Variants in SLC45A1 observed in about 807,000 individuals in gnomAD.
SLC45A1 encodes solute carrier family 45 member 1.
In SLC45A1, 28 loss-of-function variants were observed where a neutral mutation model predicts 57.6. That is an observed-to-expected ratio of 0.49 (90% CI 0.36 to 0.67). The LOEUF (loss-of-function observed/expected upper bound fraction) is 0.67. SLC45A1 is among the 30% of genes least tolerant of loss of function. The pLI is 0.00. For synonymous variants in SLC45A1, 459 were observed against 471.5 expected, an observed-to-expected ratio of 0.97 and a Z score of 0.34; for missense variants, 814 against 1,041.5, an observed-to-expected ratio of 0.78 and a Z score of 3.01.
At position 8,333,311 on chromosome 1, in the gene SLC45A1, A is replaced by T. The variant is rs560665930; in HGVS notation, c.1444-2126A>T. Among the ~76,000 whole-genome samples, 241 of 143,192 alleles carry T rather than the reference A, an allele frequency of 1.7e-3. 1 individual carries two copies. Among genetic ancestry groups the T allele is most frequent in the African/African-American group, 5.9e-3 (226 of 38,336 alleles). 93.9% of individuals were successfully genotyped at this position (143,192 alleles called of 152,430 possible). On this transcript the variant is annotated intron_variant, in intron 5 of 8. Transcript: ENST00000471889. ...TGTTTTGTTTTTTACTTACTTTTTT[A>T]AAAAATGTAGAGACAGGCTTTTACC...
At chr1:8,333,304 C>T (rs1640477457) in intron 5 of SLC45A1, among the ~76,000 whole-genome samples, 1 of 145,584 alleles carries the variant, frequency 6.9e-6, no homozygotes. Flanking sequence ...TTTTTACTTA[C>T]TTTTTTAAAA....
intron 4 of SLC45A1, among the ~76,000 whole-genome samples, chr1:8,329,372 G>A (rs544944840): frequency 6.6e-6 from 1 of 152,328 alleles, no homozygotes; most frequent in Non-Finnish European, 1.5e-5. Flanking sequence ...AAATGTAGCT[G>A]AACTCACAAT....
At chr1:8,320,633 C>CTCTG (rs59588975) in intron 1 of SLC45A1, among the ~76,000 whole-genome samples, 112 of 151,556 alleles carry the variant, frequency 7.4e-4, no homozygotes, top group East Asian at 1.2e-3. Flanking sequence ...TAGAGGGAGA[C>CTCTG]TCTGTCTGTC....
chr1:8,330,452 A>G lies in SLC45A1; in HGVS notation c.959A>G (p.Glu320Gly). 6.2e-7 allele frequency: 1 copy of G among 1,611,860 alleles called. No individual in the cohort carries two copies. The highest frequency in any genetic ancestry group is 1.3e-5 in the African/African-American group (1 of 74,980). ...LPPSPPVLPE[E>G]GPGDSLPSHT... Reference sequence around the variant, plus strand: ...CCGTCCCCACCCGTCCTGCCAGAGGAAGGCCCTGGCGACAGCCTCCCGTCG... The same window carrying G: ...CCGTCCCCACCCGTCCTGCCAGAGGGAGGCCCTGGCGACAGCCTCCCGTCG... Residue 320 changes from glutamate (E) to glycine (G), a missense_variant, in exon 5 of 9, where the codon GAA (glutamate) becomes GGA (glycine). Coordinates refer to ENST00000471889, the MANE Select transcript of SLC45A1 (RefSeq NM_001080397.3). This position sits in a 1 kb window ranked among gnomAD's most constrained non-coding sequence, Gnocchi z 8.4.
intron 1 of SLC45A1, among the ~76,000 whole-genome samples, chr1:8,321,172 A>T (rs1241528015): frequency 6.6e-6 from 1 of 152,216 alleles, no homozygotes; most frequent in African/African-American, 2.4e-5. Context: ...TAGGCCAGTG[A>T]GGAACATAAA....
rs1640337421 is a variant in SLC45A1, at chr1:8,330,140, G to A, written c.716-69G>A. ...CTTGGCTACCTTCATGTCCTTCTAA[G>A]AACGGGGCCACCGCGTTTGGGGCTT... On this transcript the variant is annotated intron_variant, in intron 4 of 8. Transcript: ENST00000471889. The surrounding 1 kb of genome is among the most constrained non-coding windows in gnomAD (Gnocchi z 8.4). The A allele has an allele frequency of 1.9e-6, 3 of 1,559,226 alleles. No homozygotes were observed. Among genetic ancestry groups the A allele is most frequent in the Non-Finnish European group, 2.6e-6 (3 of 1,150,288 alleles).
At position 8,330,644 on chromosome 1, in the gene SLC45A1, G is replaced by A. The variant is rs1466162461; in HGVS notation, c.1151G>A (p.Gly384Asp). The A allele has an allele frequency of 1.9e-6, 3 of 1,613,352 alleles. No individual in the cohort carries two copies. Among genetic ancestry groups the A allele is most frequent in the East Asian group, 4.5e-5 (2 of 44,888 alleles). ...GTCCTCATTGACTGCTTCACGGGCGGCCACGACAGCTACCTGGCCATCCCT... is the reference window on the plus strand; with the variant it reads ...GTCCTCATTGACTGCTTCACGGGCGACCACGACAGCTACCTGGCCATCCCT... ...DSVLIDCFTG[G>D]HDSYLAIPGS... Residue 384 changes from glycine to aspartate, a missense_variant, in exon 5 of 9, where the codon GGC becomes GAC. Coordinates refer to ENST00000471889, the MANE Select transcript of SLC45A1 (RefSeq NM_001080397.3). The surrounding 1 kb of genome is among the most constrained non-coding windows in gnomAD (Gnocchi z 8.4).
In SLC45A1 at chr1:8,337,933, G is replaced by A; in HGVS notation, c.1715G>A (p.Gly572Asp). Residue 572 changes from glycine to aspartate, a missense_variant, in exon 7 of 9, where the codon GGC becomes GAC. Transcript: ENST00000471889. ...TSEAYQKYNS[G>D]VTMGCWGMCI... ...GAGGCGTATCAGAAGTACAACAGCG[G>A]CGTGACCATGGGCTGCTGGGGCATG... is the stretch of plus-strand genomic sequence containing the variant. The A allele has an allele frequency of 5.0e-6, 8 of 1,614,148 alleles. No homozygotes were observed. The highest frequency in any genetic ancestry group is 6.8e-6 in the Non-Finnish European group (8 of 1,180,022).
chr1:8,329,158 G>C (rs1272494541), intron 4 of SLC45A1, among the ~76,000 whole-genome samples: 1 of 152,152 alleles, frequency 6.6e-6, no homozygotes, highest in African/African-American at 2.4e-5. Flanking sequence ...TGGTCATACG[G>C]TCCTTAGGTA....
At position 8,331,941 on chromosome 1, in the gene SLC45A1, C is replaced by T. The variant is rs192354353; in HGVS notation, c.1443+1005C>T. On this transcript the variant is annotated intron_variant, in intron 5 of 8. Transcript: ENST00000471889. ...CCAAGTAGCTGGGGCTACAGGCGCC[C>T]GCCACCACTCCTGGCTAATTTTTTG... 2.4e-3 allele frequency among the ~76,000 whole-genome samples: 358 copies of T among 152,156 alleles called. 4 individuals carry two copies. The highest frequency in any genetic ancestry group is 8.2e-3 in the African/African-American group (340 of 41,506).
Position 8,339,629 on chromosome 1 carries a change from C to T in SLC45A1, c.1911C>T (p.Tyr637=), listed in dbSNP as rs371019543. The T allele has an allele frequency of 6.1e-5, 98 of 1,614,132 alleles. 1 individual carries two copies. Among genetic ancestry groups the T allele is most frequent in the Middle Eastern group, 1.6e-4 (1 of 6,084 alleles). The part of the protein sequence containing the change: ...LYVVLSLCIT[Y]GILFSTLCTL... Reference sequence around the variant, plus strand: ...TGGTCCTGTCGCTCTGCATAACCTACGGGATTTTATTTTCCACCCTGTGCA... The same window carrying T: ...TGGTCCTGTCGCTCTGCATAACCTATGGGATTTTATTTTCCACCCTGTGCA... Residue 637 remains tyrosine (Y), a synonymous_variant, in exon 8 of 9, where the codon TAC becomes TAT. Transcript: ENST00000471889.
At position 8,335,712 on chromosome 1, in the gene SLC45A1, A is replaced by C; in HGVS notation, c.1597+122A>C. ...ACCTTTCTGAGTTCACCAGCCCCCA[A>C]CAACAGCACCAAGGGCAGGCCTGGG... On this transcript the variant is annotated intron_variant, in intron 6 of 8. Coordinates refer to ENST00000471889, the MANE Select transcript of SLC45A1 (RefSeq NM_001080397.3). This position sits in a 1 kb window ranked among gnomAD's most constrained non-coding sequence, Gnocchi z 4.1. The C allele has an allele frequency of 4.4e-6, 5 of 1,123,664 alleles. No individual in the cohort carries two copies. Among genetic ancestry groups the C allele is most frequent in the Non-Finnish European group, 6.1e-6 (5 of 818,356 alleles). The allele number at this position is 1,123,664 out of a possible 1,614,324, so 69.6% of individuals were successfully genotyped here.
intron 2 of SLC45A1, 59 bp downstream of exon 2, chr1:8,324,785 C>T (rs1640146235): frequency 1.0e-5 from 15 of 1,455,356 alleles, no homozygotes; most frequent in Admixed American, 6.9e-5. Context: ...GAAGCCTCAT[C>T]GCAGTAGCCT....
intron 7 of SLC45A1, among the ~76,000 whole-genome samples, chr1:8,338,965 C>T (rs987718859): frequency 1.3e-5 from 2 of 152,220 alleles, no homozygotes; most frequent in African/African-American, 2.4e-5. Context: ...GGTGGCACCT[C>T]GGGTGTTGGG....
intron 4 of SLC45A1, among the ~76,000 whole-genome samples, chr1:8,329,480 G>A (rs1022807819): frequency 5.3e-5 from 8 of 152,224 alleles, no homozygotes; most frequent in Non-Finnish European, 5.9e-5. Context: ...TCTTGCCATC[G>A]AAGCACAGAG....
chr1:8,334,629 G>C (rs1047823400), intron 5 of SLC45A1, among the ~76,000 whole-genome samples: 2 of 152,098 alleles, frequency 1.3e-5, no homozygotes, highest in Non-Finnish European at 2.9e-5. Context: ...CTTGAGCCCA[G>C]GAGGTCGAGG....
chr1:8,339,007 G>A (rs1220397582), intron 7 of SLC45A1, among the ~76,000 whole-genome samples: 1 of 152,154 alleles, frequency 6.6e-6, no homozygotes, highest in Non-Finnish European at 1.5e-5. Flanking sequence ...TTGGGGCGTG[G>A]GGAACTGGCC....
At chr1:8,322,621 A>G (rs7517675) in intron 1 of SLC45A1, among the ~76,000 whole-genome samples, 79,859 of 151,806 alleles carry the variant, frequency 0.53, 21,882 homozygotes, top group East Asian at 0.76. Flanking sequence ...TTTATTGTCT[A>G]GTGATAGTGT....
Position 8,339,513 on chromosome 1 carries a change from G to C in SLC45A1, c.1795G>C (p.Glu599Gln). Residue 599 changes from glutamate (E) to glutamine (Q), a missense_variant, in exon 8 of 9, where the codon GAG becomes CAG. Physicochemically the swap from Glu to Gln is conservative, Grantham distance 29. Transcript: ENST00000471889. Reference protein sequence around the residue: ...FYSAILEKLEEFLSVRTLYFI... With the variant: ...FYSAILEKLEQFLSVRTLYFI... ...CGCAGCTATCCTGGAGAAGCTGGAG[G>C]AGTTCCTCAGCGTCCGCACCCTCTA... 6.2e-7 allele frequency: 1 copy of C among 1,614,188 alleles called. No homozygotes were observed. The highest frequency in any genetic ancestry group is 8.5e-7 in the Non-Finnish European group (1 of 1,180,028).
Sources: gnomAD v4.1 joint callset for allele counts (sites outside exome capture counted in the v4.1 genomes callset) on GRCh38, gnomAD v4.1.1 for gene constraint, Gnocchi (gnomAD v3.1) non-coding constraint, MANE v1.5 for transcripts, NCBI Gene and HGNC (gene_info 2026-07-23, HGNC 2026-07-21) for gene names.